Variants in GPC3 observed in about 807,000 individuals in gnomAD.
GPC3 encodes glypican-3.
GPC3 carries 3 observed loss-of-function variants against 34.4 expected under a neutral mutation model. The observed-to-expected ratio is 0.09, with a 90% CI of 0.04 to 0.23. GPC3 has a LOEUF of 0.23. GPC3 is among the 10% of genes least tolerant of loss of function. GPC3 has a pLI of 1.00. For synonymous variants in GPC3, 177 were observed against 174.0 expected (o/e 1.02, Z -0.13); for missense variants, 351 against 445.6 (o/e 0.79, Z 1.91).
chrX:133,949,708 CATA>C (rs2076383900), intron 2 of GPC3, among the ~76,000 whole-genome samples: 1 of 112,111 alleles, frequency 8.9e-6, no homozygotes, highest in Admixed American at 9.5e-5. Flanking sequence ...GGCTGAAAAT[CATA>C]ATAAAATTCT....
chrX:133,722,723 C>A (rs907339517), intron 3 of GPC3, among the ~76,000 whole-genome samples: 2 of 111,724 alleles, frequency 1.8e-5, no homozygotes, highest in African/African-American at 6.5e-5. Flanking sequence ...CTGACCAATA[C>A]CTTGGGTCTC....
At chrX:133,881,678 A>G (rs773499491) in intron 2 of GPC3, among the ~76,000 whole-genome samples, 1 of 112,131 alleles carries the variant, frequency 8.9e-6, no homozygotes, top group South Asian at 3.7e-4. Flanking sequence ...TAAAGGGTGA[A>G]GTGAAGAACT....
intron 2 of GPC3, among the ~76,000 whole-genome samples, chrX:133,943,164 G>A: frequency 8.9e-6 from 1 of 111,885 alleles, no homozygotes; most frequent in Non-Finnish European, 1.9e-5. Context: ...TCTATACCAA[G>A]CAATATGGTA....
At chrX:133,899,044 CAT>C (rs1477093489) in intron 2 of GPC3, among the ~76,000 whole-genome samples, 1 of 112,079 alleles carries the variant, frequency 8.9e-6, no homozygotes, top group Non-Finnish European at 1.9e-5. Context: ...AAGGCACACA[CAT>C]GTTTTTTAAA....
intron 2 of GPC3, among the ~76,000 whole-genome samples, chrX:133,885,187 G>A (rs768881039): frequency 2.7e-5 from 3 of 111,662 alleles, no homozygotes; most frequent in Admixed American, 1.9e-4. Context: ...GGTAATTTTC[G>A]TAATGCTTAA....
At chrX:133,654,078 G>A (rs987307987) in intron 6 of GPC3, among the ~76,000 whole-genome samples, 6 of 111,321 alleles carry the variant, frequency 5.4e-5, no homozygotes, top group Non-Finnish European at 9.4e-5. Flanking sequence ...TATTGAATGC[G>A]AAAAGTACCT....
intron 2 of GPC3, among the ~76,000 whole-genome samples, chrX:133,878,017 T>G (rs1455122022): frequency 1.8e-5 from 2 of 112,278 alleles, no homozygotes; most frequent in Non-Finnish European, 3.8e-5. Flanking sequence ...TATATTGAAT[T>G]TAAAATCAGA....
At chrX:133,764,556 C>T (rs772691795) in intron 2 of GPC3, among the ~76,000 whole-genome samples, 1 of 111,930 alleles carries the variant, frequency 8.9e-6, no homozygotes, top group Non-Finnish European at 1.9e-5. Flanking sequence ...CTACCTTCAT[C>T]ATCGCTCAGA....
chrX:133,641,425 G>A (rs781146919), intron 6 of GPC3, among the ~76,000 whole-genome samples: 29 of 109,855 alleles, frequency 2.6e-4, no homozygotes, highest in African/African-American at 8.9e-4. Context: ...GCAGTGAGCC[G>A]AGATGGTGCC....
intron 3 of GPC3, among the ~76,000 whole-genome samples, chrX:133,715,411 A>T (rs1429077543): frequency 9.0e-6 from 1 of 111,403 alleles, no homozygotes; most frequent in Non-Finnish European, 1.9e-5. Flanking sequence ...TCATCTTGTG[A>T]CTGTGTGAGT....
intron 2 of GPC3, among the ~76,000 whole-genome samples, chrX:133,910,404 T>C (rs1317054888): frequency 9.0e-6 from 1 of 111,056 alleles, no homozygotes; most frequent in Non-Finnish European, 1.9e-5. Context: ...ACCATGTATA[T>C]AACAGAATGG....
intron 1 of GPC3, among the ~76,000 whole-genome samples, chrX:133,962,202 C>G (rs778771275): frequency 5.3e-5 from 6 of 112,176 alleles, no homozygotes; most frequent in African/African-American, 1.3e-4. Flanking sequence ...GAGATGAACT[C>G]CAAAAGCTTT....
chrX:133,570,271 G>A lies in GPC3; in HGVS notation c.1573+26169C>T, dbSNP rs189871863. On this transcript the variant is annotated intron_variant, in intron 7 of 7. Coordinates refer to ENST00000370818, the MANE Select transcript of GPC3 (RefSeq NM_004484.4). The stretch of plus-strand genomic sequence containing the variant: ...GGCTGGAGTGCAATGGCGTGATCTC[G>A]GGTCACCGCAACCTCCGCCTCTTAG... Among the ~76,000 whole-genome samples the A allele has an allele frequency of 6.1e-4, 68 of 110,749 alleles. No individual in the cohort carries two copies. The East Asian group carries it at 0.017, about 28-fold the overall frequency.
At chrX:133,553,173 C>T (rs1331986159) in intron 7 of GPC3, among the ~76,000 whole-genome samples, 7 of 111,737 alleles carry the variant, frequency 6.3e-5, no homozygotes, top group Admixed American at 3.8e-4. Context: ...TTGTTTTTAC[C>T]TAACTATAGA....
intron 2 of GPC3, among the ~76,000 whole-genome samples, chrX:133,913,391 T>G (rs1175529564): frequency 1.8e-5 from 2 of 112,751 alleles, no homozygotes; most frequent in African/African-American, 6.4e-5. Context: ...GCTGGTAACC[T>G]GCAAGGGCAA....
intron 3 of GPC3, among the ~76,000 whole-genome samples, chrX:133,739,447 T>A (rs1460619180): frequency 1.8e-5 from 2 of 111,954 alleles, no homozygotes; most frequent in African/African-American, 6.5e-5. Flanking sequence ...TTCATAGTAG[T>A]TCTGCGAGGT....
chrX:133,571,428 T>C (rs1265010883), intron 7 of GPC3, among the ~76,000 whole-genome samples: 1 of 110,783 alleles, frequency 9.0e-6, no homozygotes, highest in Non-Finnish European at 1.9e-5. Context: ...AGTGGCGCGA[T>C]CTCGGCTCAC....
intron 1 of GPC3, among the ~76,000 whole-genome samples, chrX:133,954,626 T>C (rs1047824957): frequency 9.1e-6 from 1 of 110,224 alleles, no homozygotes; most frequent in African/African-American, 3.3e-5. Context: ...GGAAGGTGAG[T>C]GTGAATCTGA....
chrX:133,750,344 G>A (rs766926912), intron 3 of GPC3, among the ~76,000 whole-genome samples: 2 of 112,434 alleles, frequency 1.8e-5, no homozygotes, highest in South Asian at 7.5e-4. Context: ...GTCTAGGGGG[G>A]TCTAAGCGGG....
Sources: gnomAD v4.1 joint callset for allele counts (sites outside exome capture counted in the v4.1 genomes callset) on GRCh38, gnomAD v4.1.1 for gene constraint, MANE v1.5 for transcripts, NCBI Gene and HGNC (gene_info 2026-07-23, HGNC 2026-07-21) for gene names.